Variants in SPOP observed in about 807,000 individuals in gnomAD.
SPOP encodes the protein speckle-type POZ protein.
Under a neutral mutation model 45.6 loss-of-function variants are expected in SPOP, and 11 were observed. The observed-to-expected ratio is 0.24, with a 90% confidence interval of 0.15 to 0.40. The LOEUF is 0.40. Among genes scored for constraint, SPOP ranks in the 10% least tolerant of loss-of-function variants. The probability of loss-of-function intolerance (pLI) is 1.00; values close to 1 mark genes in which losing one functional copy is unlikely to be tolerated. For synonymous variants in SPOP, 166 were observed against 166.3 expected, an observed-to-expected ratio of 1.00 and a Z score of 0.01; for missense variants, 152 against 465.6, an observed-to-expected ratio of 0.33 and a Z score of 6.20.
At chr17:49,615,554 G>A (rs2072068546) in intron 5 of SPOP, among the ~76,000 whole-genome samples, 1 of 152,002 alleles carries the variant, frequency 6.6e-6, no homozygotes, top group African/African-American at 2.4e-5. Context: ...CCAGGTAGGA[G>A]TGCAATGGCT....
chr17:49,602,109 T>C, intron 8 of SPOP, 102 bp from the exon 9 acceptor site: 1 of 1,368,588 alleles, frequency 7.3e-7, no homozygotes. Context: ...AACTAGATAC[T>C]TGAATAGAAC....
intron 5 of SPOP, 128 bp from the exon 6 acceptor site, chr17:49,611,585 C>T (rs2071974106): frequency 1.2e-6 from 1 of 828,382 alleles, no homozygotes; most frequent in African/African-American, 1.7e-5. Flanking sequence ...ATCTTGAAAC[C>T]ACCTCCACAA....
intron 5 of SPOP, among the ~76,000 whole-genome samples, chr17:49,615,682 T>TA (rs1385962111): frequency 6.6e-6 from 1 of 152,092 alleles, no homozygotes; most frequent in Non-Finnish European, 1.5e-5. Flanking sequence ...TCCTGACTCT[T>TA]ATGTCTCTCT....
intron 1 of SPOP, among the ~76,000 whole-genome samples, chr17:49,641,979 T>A (rs920517363): frequency 9.2e-5 from 14 of 151,816 alleles, no homozygotes; most frequent in Non-Finnish European, 1.9e-4. Context: ...TGAGCCAAGA[T>A]GACGCCACTG....
intron 1 of SPOP, among the ~76,000 whole-genome samples, chr17:49,667,362 G>A (rs995359584): frequency 7.3e-5 from 11 of 151,464 alleles, no homozygotes; most frequent in African/African-American, 2.7e-4. Context: ...GGCCAAGGCG[G>A]GCGGATCACT....
rs1288186936 is a variant in SPOP at position 49,619,481 on chromosome 17, T to C, written c.201-96A>G. ...GAGAGGGAGATGTTTAAAAAACAAA[T>C]GCAGGCCCCATAGAAGAATATAATT... On this transcript the variant is annotated intron_variant, in intron 3 of 9. Transcript: ENST00000504102. This position sits in a 1 kb window ranked among gnomAD's most constrained non-coding sequence, Gnocchi z 4.9. The C allele has an allele frequency of 3.8e-6, 5 of 1,318,858 alleles. No individual in the cohort carries two copies. In the African/African-American group the frequency reaches 4.5e-5, roughly 12 times the overall value. 81.7% of individuals were successfully genotyped at this position (1,318,858 alleles called of 1,614,324 possible). A position where few individuals can be genotyped will look rare whatever the true frequency, so the allele number is the denominator to read the frequency against.
chr17:49,620,176 AG>A (rs1334742327), intron 3 of SPOP, among the ~76,000 whole-genome samples: 3 of 150,300 alleles, frequency 2.0e-5, no homozygotes, highest in Non-Finnish European at 4.4e-5. Flanking sequence ...ATCTCAAAAA[AG>A]AAAAAGAAAA....
At chr17:49,661,267 G>A (rs908113888) in intron 1 of SPOP, among the ~76,000 whole-genome samples, 10 of 152,128 alleles carry the variant, frequency 6.6e-5, no homozygotes, top group Non-Finnish European at 7.3e-5. Flanking sequence ...GGCCATGGTC[G>A]AAAACCTTCC....
Position 49,599,829 on chromosome 17 carries a change from T to C in SPOP, c.*549A>G, listed in dbSNP as rs11539921. Reference sequence around the variant, plus strand: ...GCTAACAACAAGAGAGCTCTTCTGATGCTTGTATGGTGGTAAGGAGTTTTC... The same window carrying C: ...GCTAACAACAAGAGAGCTCTTCTGACGCTTGTATGGTGGTAAGGAGTTTTC... On this transcript the variant is annotated 3_prime_UTR_variant, in exon 10 of 10. Transcript: ENST00000504102. 0.068 allele frequency: 14,569 copies of C among 213,768 alleles called. 683 individuals carry two copies. The highest frequency in any genetic ancestry group is 0.099 in the Non-Finnish European group (10,396 of 105,388). 13.2% of individuals were successfully genotyped at this position (213,768 alleles called of 1,614,324 possible).
chr17:49,666,126 T>C (rs1002888831), intron 1 of SPOP, among the ~76,000 whole-genome samples: 6 of 151,876 alleles, frequency 4.0e-5, no homozygotes, highest in Non-Finnish European at 8.8e-5. Context: ...AGACCAATGG[T>C]ATGGAATAGA....
At chr17:49,623,708 C>T (rs1274350720) in intron 1 of SPOP, among the ~76,000 whole-genome samples, 1 of 152,130 alleles carries the variant, frequency 6.6e-6, no homozygotes, top group African/African-American at 2.4e-5. Context: ...TTCTCTGCAG[C>T]ATTCGTGATC....
chr17:49,654,014 CTG>C (rs2072876239), intron 1 of SPOP, among the ~76,000 whole-genome samples: 1 of 152,090 alleles, frequency 6.6e-6, no homozygotes. Flanking sequence ...AGGCCTAATT[CTG>C]TCTTAGATCA....
Position 49,607,345 on chromosome 17 carries a change from G to C in SPOP, c.742C>G (p.Pro248Ala), listed in dbSNP as rs1567770650. 6.2e-7 allele frequency: 1 copy of C among 1,613,628 alleles called. No homozygotes were observed. The highest frequency in any genetic ancestry group is 8.5e-7 in the Non-Finnish European group (1 of 1,179,742). Reference protein sequence around the residue: ...KNRVEINDVEPEVFKEMMCFI... With the variant: ...KNRVEINDVEAEVFKEMMCFI... ...CACATCATTTCCTTAAAAACTTCAG[G>C]CTCCACATCATTGATTTCAACTCGA... The change falls in exon 8 of 10, where the codon CCT becomes GCT. Residue 248 changes from proline (P) to alanine (A), a missense_variant. Pro to Ala is a conservative substitution (Grantham distance 27). Around this residue, in one of 3 missense-constraint regions of SPOP, gnomAD observed 106 missense variants for 255.2 expected, o/e 0.42. Transcript: ENST00000504102.
At position 49,619,510 on chromosome 17, in the gene SPOP, T is replaced by C. The variant is rs2143277511; in HGVS notation, c.201-125A>G. On this transcript the variant is annotated intron_variant, in intron 3 of 9. Coordinates refer to ENST00000504102, the MANE Select transcript of SPOP (RefSeq NM_001007228.2). This position sits in a 1 kb window ranked among gnomAD's most constrained non-coding sequence, Gnocchi z 4.9. ...GGCCCCATAGAAGAATATAATTCAGTAGAATGACTAGTTGGGAACAACTTT... is the reference window on the plus strand; with the variant it reads ...GGCCCCATAGAAGAATATAATTCAGCAGAATGACTAGTTGGGAACAACTTT... 3 of 1,070,060 alleles carry C rather than the reference T, an allele frequency of 2.8e-6. No homozygotes were observed. Among genetic ancestry groups the C allele is most frequent in the Non-Finnish European group, 3.9e-6 (3 of 763,140 alleles). 66.3% of individuals were successfully genotyped at this position (1,070,060 alleles called of 1,614,324 possible).
rs1003411727 is a variant in SPOP, at chr17:49,677,979, C to T, written c.-113G>A. On this transcript the variant is annotated 5_prime_UTR_variant, in exon 1 of 10. Coordinates refer to ENST00000504102, the MANE Select transcript of SPOP (RefSeq NM_001007228.2). ...GCTGGTCCCCGTCCCCCTGCGCTTG[C>T]CTCATACTGTCCGCAACATCCGGGA... The T allele has an allele frequency of 7.9e-5, 30 of 379,876 alleles. No individual in the cohort carries two copies. Among genetic ancestry groups the T allele is most frequent in the Middle Eastern group, 1.3e-3 (2 of 1,526 alleles). The allele number at this position is 379,876 out of a possible 1,614,324, so 23.5% of individuals were successfully genotyped here.
At chr17:49,607,457 T>A in intron 7 of SPOP, 85 bp from the exon 8 acceptor site, 1 of 1,500,578 alleles carries the variant, frequency 6.7e-7, no homozygotes, top group Non-Finnish European at 8.9e-7. Flanking sequence ...TAAGCTCTAG[T>A]GAGGAGAGAA....
chr17:49,620,467 C>T (rs960893673), intron 3 of SPOP, among the ~76,000 whole-genome samples: 2 of 66,914 alleles, frequency 3.0e-5, no homozygotes, highest in South Asian at 1.1e-3. Flanking sequence ...GACTCTGTCT[C>T]AAAAAAAAAA....
chr17:49,643,036 T>C (rs2072688400), intron 1 of SPOP, among the ~76,000 whole-genome samples: 1 of 152,256 alleles, frequency 6.6e-6, no homozygotes, highest in Non-Finnish European at 1.5e-5. Flanking sequence ...GCATCTGATA[T>C]ACTAGTTCTA....
At chr17:49,665,683 CACACACACACA>C (rs2073048124) in intron 1 of SPOP, among the ~76,000 whole-genome samples, 3 of 149,240 alleles carry the variant, frequency 2.0e-5, no homozygotes, top group Non-Finnish European at 4.4e-5. Flanking sequence ...CACACACACA[CACACACACACA>C]CCAATCTGGC....
Sources: allele counts gnomAD v4.1 joint callset (sites outside exome capture counted in the v4.1 genomes callset), GRCh38; gene constraint gnomAD v4.1.1; regional missense constraint gnomAD v4.1.1; non-coding constraint Gnocchi (gnomAD v3.1); transcripts MANE v1.5; gene names NCBI Gene and HGNC (gene_info 2026-07-23, HGNC 2026-07-21).